The following SATL1 variants were observed in gnomAD, a reference collection of about 807,000 sequenced individuals.
SATL1 encodes spermidine/spermine N1-acetyl transferase like 1.
Under a neutral mutation model 51.8 loss-of-function variants are expected in SATL1, and 47 were observed. The observed-to-expected ratio is 0.91, with a 90% CI of 0.72 to 1.16. SATL1 has a LOEUF of 1.16. Among genes scored for constraint, SATL1 ranks in the 50% most tolerant of loss-of-function variants. SATL1 has a pLI of 0.00. For synonymous variants in SATL1, 176 were observed against 182.4 expected (o/e 0.97, Z 0.28); for missense variants, 520 against 526.4 (o/e 0.99, Z 0.12).
chrX:85,156,093 G>A (rs181411979), intron 2 of SATL1, among the ~76,000 whole-genome samples: 39 of 110,938 alleles, frequency 3.5e-4, no homozygotes, highest in African/African-American at 1.2e-3. Flanking sequence ...ATAAGTTTTA[G>A]CGTTTTTATA....
chrX:85,126,859 C>T (rs1475813119), intron 2 of SATL1, among the ~76,000 whole-genome samples: 1 of 108,013 alleles, frequency 9.3e-6, no homozygotes, highest in African/African-American at 3.4e-5. Flanking sequence ...CACACCCCTC[C>T]CACCCCATTT....
At chrX:85,102,137 G>A (rs1365981783) in intron 4 of SATL1, among the ~76,000 whole-genome samples, 1 of 108,291 alleles carries the variant, frequency 9.2e-6, no homozygotes, top group Non-Finnish European at 1.9e-5. Flanking sequence ...CAATGTGCAG[G>A]TTTGTTACAT....
intron 2 of SATL1, among the ~76,000 whole-genome samples, chrX:85,193,978 G>A (rs759610470): frequency 2.7e-5 from 3 of 111,452 alleles, no homozygotes; most frequent in East Asian, 2.8e-4. Flanking sequence ...TGCAATAAAC[G>A]TTTGTGTGCA....
intron 2 of SATL1, among the ~76,000 whole-genome samples, chrX:85,130,510 T>C (rs1925759527): frequency 8.9e-6 from 1 of 111,834 alleles, no homozygotes; most frequent in Non-Finnish European, 1.9e-5. Context: ...TATCATTTTT[T>C]ATTGCATCTA....
chrX:85,097,245 G>A (rs1275523736), intron 4 of SATL1, among the ~76,000 whole-genome samples: 1 of 112,039 alleles, frequency 8.9e-6, no homozygotes, highest in Non-Finnish European at 1.9e-5. Flanking sequence ...TATATGCAGT[G>A]GGTCCTGGAA....
intron 4 of SATL1, among the ~76,000 whole-genome samples, chrX:85,102,704 A>G (rs1392681592): frequency 1.8e-5 from 2 of 111,791 alleles, no homozygotes; most frequent in Non-Finnish European, 3.8e-5. Flanking sequence ...TCTAACTACA[A>G]TGAAATAGTG....
chrX:85,152,006 A>G (rs1419709615), intron 2 of SATL1, among the ~76,000 whole-genome samples: 2 of 109,883 alleles, frequency 1.8e-5, no homozygotes, highest in Admixed American at 1.9e-4. Flanking sequence ...CAGCAAAAGA[A>G]ACTACCATCA....
rs190221960 is a variant in SATL1 at position 85,176,277 on chromosome X, C to A, written c.-313+47928G>T. Among the ~76,000 whole-genome samples, 50 of 111,450 alleles carry A rather than the reference C, an allele frequency of 4.5e-4. No individual in the cohort carries two copies. In the East Asian group the frequency reaches 0.013, roughly 28 times the overall value. ...ATAATATATTCTATTGGCAAGACTG[C>A]GAGGAAAATGGCTGGTGAAAAAGCA... On this transcript the variant is annotated intron_variant, in intron 2 of 7. Coordinates refer to ENST00000644105, the MANE Select transcript of SATL1 (RefSeq NM_001367857.2).
intron 2 of SATL1, among the ~76,000 whole-genome samples, chrX:85,159,905 G>A (rs1230093959): frequency 9.0e-6 from 1 of 111,392 alleles, no homozygotes; most frequent in Non-Finnish European, 1.9e-5. Context: ...ACCACCCTAC[G>A]AAACACCTTG....
At chrX:85,208,255 G>T (rs1927831777) in intron 2 of SATL1, among the ~76,000 whole-genome samples, 1 of 111,662 alleles carries the variant, frequency 9.0e-6, no homozygotes, top group Non-Finnish European at 1.9e-5. Flanking sequence ...TGGCTGCATA[G>T]TATTCCATGG....
At chrX:85,112,034 A>C (rs1479078981) in intron 2 of SATL1, among the ~76,000 whole-genome samples, 1 of 111,964 alleles carries the variant, frequency 8.9e-6, no homozygotes, top group Non-Finnish European at 1.9e-5. Context: ...GGCAAGTTTT[A>C]GAGCAGGAGT....
intron 4 of SATL1, among the ~76,000 whole-genome samples, chrX:85,101,689 A>C (rs1332359200): frequency 8.9e-6 from 1 of 111,953 alleles, no homozygotes; most frequent in African/African-American, 3.2e-5. Context: ...CGTGCCCAAA[A>C]TAATGAAAGC....
intron 2 of SATL1, among the ~76,000 whole-genome samples, chrX:85,148,073 T>C (rs1299171324): frequency 2.7e-5 from 3 of 111,317 alleles, no homozygotes; most frequent in African/African-American, 9.8e-5. Flanking sequence ...TTAAAAACTT[T>C]GAAAAAAATT....
At position 85,141,969 on chromosome X, in the gene SATL1, T is replaced by G. The variant is rs968663897; in HGVS notation, c.-312-32689A>C. On this transcript the variant is annotated intron_variant, in intron 2 of 7. Transcript: ENST00000644105. ...TTCATAATATTGTACTAATATTAGGTTGGTGCCAAAGTAATTGCTGTTTTG... is the reference window on the plus strand; with the variant it reads ...TTCATAATATTGTACTAATATTAGGGTGGTGCCAAAGTAATTGCTGTTTTG... Among the ~76,000 whole-genome samples the G allele has an allele frequency of 9.5e-5, 10 of 104,798 alleles. No individual in the cohort carries two copies. The East Asian group carries it at 2.8e-3, about 29-fold the overall frequency. The allele number at this position is 104,798 out of a possible 115,157, so 91.0% of individuals were successfully genotyped here. A position where few individuals can be genotyped will look rare whatever the true frequency, so the allele number is the denominator to read the frequency against.
At chrX:85,207,418 T>G (rs1354199041) in intron 2 of SATL1, 1 of 111,988 alleles carries the variant, frequency 8.9e-6, no homozygotes, top group East Asian at 2.8e-4. Flanking sequence ...TATCTTCTTG[T>G]GCACAACATT....
chrX:85,215,077 C>T (rs960804642), intron 2 of SATL1, among the ~76,000 whole-genome samples: 27 of 111,899 alleles, frequency 2.4e-4, no homozygotes, highest in African/African-American at 8.1e-4. Flanking sequence ...GGACTCCAAC[C>T]CCTATTGCAT....
intron 2 of SATL1, among the ~76,000 whole-genome samples, chrX:85,129,198 C>G (rs962070030): frequency 1.3e-4 from 15 of 111,725 alleles, no homozygotes; most frequent in African/African-American, 4.9e-4. Flanking sequence ...TTATTGGTAG[C>G]TTGATGGGGA....
At chrX:85,241,944 TG>T (rs1429343188) in intron 1 of SATL1, among the ~76,000 whole-genome samples, 3 of 111,976 alleles carry the variant, frequency 2.7e-5, no homozygotes, top group African/African-American at 9.8e-5. Flanking sequence ...TTTGGGAATT[TG>T]GTGAGTAAAT....
chrX:85,186,984 A>T (rs955272408), intron 2 of SATL1, among the ~76,000 whole-genome samples: 1 of 111,935 alleles, frequency 8.9e-6, no homozygotes, highest in Admixed American at 9.5e-5. Flanking sequence ...TTTTAACAAT[A>T]GTAAGTTTTC....
Sources: allele counts gnomAD v4.1 joint callset (sites outside exome capture counted in the v4.1 genomes callset), GRCh38; gene constraint gnomAD v4.1.1; transcripts MANE v1.5; gene names NCBI Gene and HGNC (gene_info 2026-07-23, HGNC 2026-07-21).